Variants in UNC79 observed in about 807,000 individuals in gnomAD.
UNC79 encodes protein unc-79 homolog.
A neutral mutation model predicts 283.1 loss-of-function variants in UNC79; 37 were observed. The observed-to-expected ratio is 0.13, with a 90% CI of 0.10 to 0.17. The LOEUF (loss-of-function observed/expected upper bound fraction) is 0.17, where lower values mean the gene tolerates loss of function less well. Ranked by LOEUF, UNC79 falls within the 10% of genes least tolerant of loss-of-function variation. The pLI, the probability that UNC79 is intolerant of heterozygous loss-of-function variation, is 1.00. For synonymous variants in UNC79, 1,107 were observed against 1,200.2 expected, an observed-to-expected ratio of 0.92 and a Z score of 1.61; for missense variants, 2,272 against 3,211.1, an observed-to-expected ratio of 0.71 and a Z score of 7.07.
chr14:93,349,972 C>G (rs1317482005), intron 1 of UNC79, among the ~76,000 whole-genome samples: 3 of 152,106 alleles, frequency 2.0e-5, no homozygotes, highest in Non-Finnish European at 4.4e-5. Flanking sequence ...AGGATAAATG[C>G]TTCCAGGTAA....
intron 1 of UNC79, among the ~76,000 whole-genome samples, chr14:93,442,849 G>T (rs995800574): frequency 1.3e-5 from 2 of 152,128 alleles, no homozygotes; most frequent in African/African-American, 2.4e-5. Context: ...AGCACTTTGG[G>T]AGGCCAAAGT....
chr14:93,619,325 G>C (rs2066959971), intron 29 of UNC79, among the ~76,000 whole-genome samples: 1 of 152,160 alleles, frequency 6.6e-6, no homozygotes, highest in South Asian at 2.1e-4. Context: ...TTTCAGCGTG[G>C]GCTTAGTGTT....
At chr14:93,456,837 G>T (rs2056808532) in intron 1 of UNC79, among the ~76,000 whole-genome samples, 1 of 152,168 alleles carries the variant, frequency 6.6e-6, no homozygotes, top group Non-Finnish European at 1.5e-5. Flanking sequence ...TTAGAGTGGG[G>T]CTGTCTGTTT....
chr14:93,656,251 C>T (rs2070916127), intron 38 of UNC79, among the ~76,000 whole-genome samples: 1 of 152,126 alleles, frequency 6.6e-6, no homozygotes, highest in African/African-American at 2.4e-5. Flanking sequence ...TGAACCTGAC[C>T]TGTTCCATGA....
chr14:93,689,844 A>C, intron 44 of UNC79: 1 of 394,618 alleles, frequency 2.5e-6, no homozygotes. Context: ...AAGAGAAGCT[A>C]GTCAGAGAGG....
intron 1 of UNC79, among the ~76,000 whole-genome samples, chr14:93,386,615 G>A (rs2054779549): frequency 6.6e-6 from 1 of 152,116 alleles, no homozygotes; most frequent in African/African-American, 2.4e-5. Flanking sequence ...TCTTTGATGG[G>A]AGACTATTAT....
chr14:93,582,353 G>T lies in UNC79; in HGVS notation c.2803+9G>T. ...GCCCGTGGAACATGCTGGTAGGTGT[G>T]CACTGACTGCCGGGGAATGCGCCAC... On this transcript the variant is annotated intron_variant, in intron 20 of 48. Coordinates refer to ENST00000555664, the Ensembl canonical transcript of UNC79. 6.2e-7 allele frequency: 1 copy of T among 1,612,554 alleles called. No individual in the cohort carries two copies. Among genetic ancestry groups the T allele is most frequent in the Non-Finnish European group, 8.5e-7 (1 of 1,179,404 alleles).
In UNC79 at chr14:93,474,874, T is replaced by A. The variant is rs1342946083; in HGVS notation, c.448+481T>A. On this transcript the variant is annotated intron_variant, in intron 3 of 48. Coordinates refer to ENST00000555664, the Ensembl canonical transcript of UNC79. The surrounding 1 kb of genome is among the most constrained non-coding windows in gnomAD (Gnocchi z 4.1). ...AGTCAGGAGGTTAGATGAGAAGTAATCTCTAACAACTCTTCCAAATGTAAA... is the reference window on the plus strand; with the variant it reads ...AGTCAGGAGGTTAGATGAGAAGTAAACTCTAACAACTCTTCCAAATGTAAA... Among the ~76,000 whole-genome samples the A allele has an allele frequency of 6.6e-6, 1 of 152,176 alleles. No homozygotes were observed. Among genetic ancestry groups the A allele is most frequent in the African/African-American group, 2.4e-5 (1 of 41,430 alleles).
At chr14:93,381,818 G>T (rs1446287876) in intron 1 of UNC79, among the ~76,000 whole-genome samples, 1 of 152,194 alleles carries the variant, frequency 6.6e-6, no homozygotes, top group South Asian at 2.1e-4. Context: ...ACTTGCCATG[G>T]TCAGAGAGCT....
intron 29 of UNC79, among the ~76,000 whole-genome samples, chr14:93,618,720 T>A (rs1016737072): frequency 7.2e-5 from 11 of 152,232 alleles, no homozygotes; most frequent in African/African-American, 2.7e-4. Context: ...GGTCTCTAGT[T>A]TGCCCTGGTC....
chr14:93,638,934 T>C (rs1338490809), intron 32 of UNC79, among the ~76,000 whole-genome samples: 1 of 152,242 alleles, frequency 6.6e-6, no homozygotes, highest in Non-Finnish European at 1.5e-5. Context: ...TGGGGATCAG[T>C]GTCCAATAAC....
chr14:93,575,108 G>A (rs754666317), exon 17 of UNC79: 3 of 1,613,868 alleles, frequency 1.9e-6, no homozygotes, highest in Non-Finnish European at 2.5e-6. Context: ...TAATAAGTAT[G>A]TTTTCTGATG....
At position 93,399,879 on chromosome 14, in the gene UNC79, A is replaced by G. The variant is rs1369510606; in HGVS notation, c.-351+66356A>G. Among the ~76,000 whole-genome samples, 3 of 152,200 alleles carry G rather than the reference A, an allele frequency of 2.0e-5. No homozygotes were observed. The East Asian group carries it at 5.8e-4, about 29-fold the overall frequency. On this transcript the variant is annotated intron_variant, in intron 1 of 49. Transcript: ENST00000256339. ...AAAACAGGATATTCATTAAGCAGCT[A>G]TCCTTAATGGTTATCTGGGAAAAGC... is the stretch of plus-strand genomic sequence containing the variant.
At chr14:93,613,385 T>C (rs1432701512) in intron 27 of UNC79, among the ~76,000 whole-genome samples, 1 of 151,948 alleles carries the variant, frequency 6.6e-6, no homozygotes, top group Non-Finnish European at 1.5e-5. Flanking sequence ...TACCTTGATA[T>C]GATAGTTACA....
chr14:93,660,543 ATATATATATATATATATATATG>A (rs2071443916), intron 39 of UNC79, among the ~76,000 whole-genome samples: 1 of 118,566 alleles, frequency 8.4e-6, no homozygotes, highest in African/African-American at 3.9e-5. Flanking sequence ...ATATATATAT[ATATATATATATATATATATATG>A]TGTGTGTGTG....
intron 40 of UNC79, among the ~76,000 whole-genome samples, chr14:93,668,979 A>G (rs868494593): frequency 1.7e-5 from 1 of 58,912 alleles, no homozygotes; most frequent in Admixed American, 1.4e-4. Context: ...AACATTGTCT[A>G]AAAAAAAAAA....
chr14:93,474,142 T>C lies in UNC79; in HGVS notation c.197T>C (p.Val66Ala), dbSNP rs1257130816. ...AACCAAGATGCCTCCAATTTGACAGTGCCCATGACCATGTGTCTTTTTCCT... is the reference window on the plus strand; with the variant it reads ...AACCAAGATGCCTCCAATTTGACAGCGCCCATGACCATGTGTCTTTTTCCT... Residue 66 changes from valine to alanine, a missense_variant, in exon 3 of 49, where the codon GTG becomes GCG. This residue lies in a region of UNC79 where 194 missense variants were observed against 268.9 expected (regional missense o/e 0.72). Transcript: ENST00000555664. The surrounding 1 kb of genome is among the most constrained non-coding windows in gnomAD (Gnocchi z 4.1). The C allele has an allele frequency of 6.5e-7, 1 of 1,536,090 alleles. No homozygotes were observed. Among genetic ancestry groups the C allele is most frequent in the East Asian group, 2.4e-5 (1 of 40,918 alleles).
chr14:93,541,206 C>A (rs2061354866), intron 13 of UNC79, among the ~76,000 whole-genome samples: 1 of 152,086 alleles, frequency 6.6e-6, no homozygotes, highest in Non-Finnish European at 1.5e-5. Flanking sequence ...TAATTCACAT[C>A]CCATCACCTA....
intron 1 of UNC79, among the ~76,000 whole-genome samples, chr14:93,372,958 C>A (rs753773748): frequency 7.9e-5 from 12 of 152,300 alleles, no homozygotes; most frequent in African/African-American, 2.9e-4. Flanking sequence ...AGAAATCATA[C>A]AATGTTTGCT....
Sources: allele counts gnomAD v4.1 joint callset (sites outside exome capture counted in the v4.1 genomes callset), GRCh38; gene constraint gnomAD v4.1.1; regional missense constraint gnomAD v4.1.1; non-coding constraint Gnocchi (gnomAD v3.1); transcripts MANE v1.5; gene names NCBI Gene and HGNC (gene_info 2026-07-23, HGNC 2026-07-21).